Variants in A1CF observed in about 807,000 individuals in gnomAD.
A1CF encodes the protein APOBEC1 complementation factor.
Under a neutral mutation model 68.9 loss-of-function variants are expected in A1CF, and 48 were observed. The observed-to-expected ratio is 0.70, with a 90% CI of 0.55 to 0.89. A1CF has a LOEUF of 0.89. Among genes scored for constraint, A1CF ranks in the 40% least tolerant of loss-of-function variants. A1CF has a pLI of 0.00. For synonymous variants in A1CF, 272 were observed against 260.4 expected, an observed-to-expected ratio of 1.04 and a Z score of -0.43; for missense variants, 653 against 718.9, an observed-to-expected ratio of 0.91 and a Z score of 1.05.
At chr10:50,821,544 T>TC (rs1244262254) in intron 7 of A1CF, among the ~76,000 whole-genome samples, 1 of 151,956 alleles carries the variant, frequency 6.6e-6, no homozygotes, top group Admixed American at 6.6e-5. Flanking sequence ...GAGACCTATT[T>TC]TTTTTTTTCA....
intron 2 of A1CF, among the ~76,000 whole-genome samples, chr10:50,862,583 C>A (rs1840796622): frequency 2.0e-5 from 3 of 152,226 alleles, no homozygotes; most frequent in Admixed American, 2.0e-4. Flanking sequence ...ATAGTTAATG[C>A]TCTCTGTTTG....
At chr10:50,842,387 G>A (rs1320396325) in intron 4 of A1CF, among the ~76,000 whole-genome samples, 1 of 152,196 alleles carries the variant, frequency 6.6e-6, no homozygotes, top group Non-Finnish European at 1.5e-5. Flanking sequence ...AAGGCAGGTG[G>A]ATTGCTTAAC....
chr10:50,806,860 T>C lies in A1CF; in HGVS notation c.1630A>G (p.Thr544Ala), dbSNP rs1257424549. Residue 544 changes from threonine to alanine, a missense_variant, in exon 13 of 13, where the codon ACT becomes GCT. Transcript: ENST00000373997. ...AGCTGGGCTGCAGACACGGGTGCAG[T>C]TGCATTAGGGACAGCATATCCTGGA... Reference protein sequence around the residue: ...AFPGYAVPNATAPVSAAQLKQ... With the variant: ...AFPGYAVPNAAAPVSAAQLKQ... 1 of 1,612,288 alleles carries C rather than the reference T, an allele frequency of 6.2e-7. No individual in the cohort carries two copies. The highest frequency in any genetic ancestry group is 1.3e-5 in the African/African-American group (1 of 74,822).
At chr10:50,878,104 A>T (rs1300853482) in intron 1 of A1CF, among the ~76,000 whole-genome samples, 2 of 152,226 alleles carry the variant, frequency 1.3e-5, no homozygotes, top group Non-Finnish European at 2.9e-5. Flanking sequence ...CCTGGGTGAC[A>T]GAGTGAGACT....
intron 7 of A1CF, chr10:50,823,482 G>T (rs1166362010): frequency 6.6e-6 from 1 of 152,124 alleles, no homozygotes; most frequent in African/African-American, 2.4e-5. Flanking sequence ...TAAACCTGAG[G>T]AGAAACACAC....
rs1350260298 is a variant in A1CF, at chr10:50,804,751, A to G, written c.*1978T>C. ...GATGATTTTTTAATTGCATTTTTCT[A>G]TTTACTAAAAGTGAAATAAAAAGGA... On this transcript the variant is annotated 3_prime_UTR_variant, in exon 13 of 13. Coordinates refer to ENST00000373997, the MANE Select transcript of A1CF (RefSeq NM_014576.4). The G allele has an allele frequency of 2.0e-5, 3 of 152,128 alleles. No homozygotes were observed. Among genetic ancestry groups the G allele is most frequent in the African/African-American group, 7.2e-5 (3 of 41,432 alleles). The allele number at this position is 152,128 out of a possible 1,614,324, so 9.4% of individuals were successfully genotyped here.
chr10:50,847,564 G>A (rs1008872165), intron 3 of A1CF, among the ~76,000 whole-genome samples: 1 of 152,182 alleles, frequency 6.6e-6, no homozygotes, highest in Non-Finnish European at 1.5e-5. Context: ...GTCTTAGCAT[G>A]AAGATTGAAT....
chr10:50,824,270 A>G (rs1838814485), intron 7 of A1CF: 1 of 152,158 alleles, frequency 6.6e-6, no homozygotes, highest in Non-Finnish European at 1.5e-5. Context: ...ATGTCTCTTT[A>G]ATATATGCCA....
At chr10:50,867,566 G>C (rs1841051165) in intron 1 of A1CF, among the ~76,000 whole-genome samples, 1 of 152,002 alleles carries the variant, frequency 6.6e-6, no homozygotes, top group African/African-American at 2.4e-5. Flanking sequence ...GGATGATGAG[G>C]GATTCCTTAA....
At chr10:50,844,532 C>A (rs1004051441) in intron 3 of A1CF, among the ~76,000 whole-genome samples, 1 of 152,102 alleles carries the variant, frequency 6.6e-6, no homozygotes, top group Non-Finnish European at 1.5e-5. Context: ...TAGCTATTTA[C>A]AACTACATAT....
In A1CF at chr10:50,803,964, C is replaced by T. The variant is rs533243777; in HGVS notation, c.*2765G>A. ...GTTCTACCAGCAATTTAAAAAAGCC[C>T]GTTGTCTTAATAATTTTAAACTTAT... On this transcript the variant is annotated 3_prime_UTR_variant, in exon 13 of 13. Coordinates refer to ENST00000373997, the MANE Select transcript of A1CF (RefSeq NM_014576.4). The T allele has an allele frequency of 1.9e-4, 29 of 152,192 alleles. No individual in the cohort carries two copies. Among genetic ancestry groups the T allele is most frequent in the Admixed American group, 5.9e-4 (9 of 15,286 alleles). The allele number at this position is 152,192 out of a possible 1,614,324, so 9.4% of individuals were successfully genotyped here. A position where few individuals can be genotyped will look rare whatever the true frequency, so the allele number is the denominator to read the frequency against.
chr10:50,843,900 C>A, intron 4 of A1CF, 88 bp downstream of exon 4: 2 of 1,516,550 alleles, frequency 1.3e-6, no homozygotes, highest in Non-Finnish European at 1.8e-6. Flanking sequence ...AGCCACTGAC[C>A]AAGAAGGCTG....
At chr10:50,812,816 A>G in intron 10 of A1CF, among the ~76,000 whole-genome samples, 1 of 152,204 alleles carries the variant, frequency 6.6e-6, no homozygotes, top group Non-Finnish European at 1.5e-5. Flanking sequence ...GGTGCATAAG[A>G]GAAGTTTACT....
At chr10:50,864,877 G>C (rs888628737) in intron 1 of A1CF, among the ~76,000 whole-genome samples, 1 of 151,920 alleles carries the variant, frequency 6.6e-6, no homozygotes, top group Non-Finnish European at 1.5e-5. Context: ...CTTGGCCTCC[G>C]AAAGTGCTGG....
Position 50,884,280 on chromosome 10 carries a change from C to T in A1CF, c.-94+1301G>A, listed in dbSNP as rs374522459. Reference sequence around the variant, plus strand: ...TATGTCATTTTATAATGTTTGCCCACAACAATATTTCTTTTCCTTGCCAGC... The same window carrying T: ...TATGTCATTTTATAATGTTTGCCCATAACAATATTTCTTTTCCTTGCCAGC... On this transcript the variant is annotated intron_variant, in intron 1 of 12. Transcript: ENST00000373997. Among the ~76,000 whole-genome samples, 81 of 152,286 alleles carry T rather than the reference C, an allele frequency of 5.3e-4. 1 individual carries two copies. Among genetic ancestry groups the T allele is most frequent in the African/African-American group, 1.8e-3 (75 of 41,570 alleles).
At chr10:50,836,636 C>T (rs997402126) in intron 5 of A1CF, among the ~76,000 whole-genome samples, 5 of 150,884 alleles carry the variant, frequency 3.3e-5, no homozygotes, top group African/African-American at 1.2e-4. Flanking sequence ...GTGTGCTGCA[C>T]CCATTAACTC....
chr10:50,878,708 G>T (rs1224789279), intron 1 of A1CF, among the ~76,000 whole-genome samples: 1 of 152,032 alleles, frequency 6.6e-6, no homozygotes, highest in Non-Finnish European at 1.5e-5. Flanking sequence ...GAGTTTCCAG[G>T]CATTATAGGT....
chr10:50,826,471 A>G (rs1375220028), intron 7 of A1CF, among the ~76,000 whole-genome samples: 2 of 152,196 alleles, frequency 1.3e-5, no homozygotes, highest in Non-Finnish European at 2.9e-5. Context: ...AGTGGGGGCC[A>G]ATATTCAACA....
In A1CF at chr10:50,803,202, C is replaced by A. The variant is rs986268400; in HGVS notation, c.*3527G>T. 6.6e-6 allele frequency: 1 copy of A among 152,334 alleles called. No homozygotes were observed. The allele number at this position is 152,334 out of a possible 1,614,324, so 9.4% of individuals were successfully genotyped here. On this transcript the variant is annotated 3_prime_UTR_variant, in exon 13 of 13. Transcript: ENST00000373997. ...CTCCAGGCCTCCAGCAATCCTCCTGCCTTAGCTTCCCAAGTAGCTGGGACC... is the reference window on the plus strand; with the variant it reads ...CTCCAGGCCTCCAGCAATCCTCCTGACTTAGCTTCCCAAGTAGCTGGGACC...
Sources: gnomAD v4.1 joint callset for allele counts (sites outside exome capture counted in the v4.1 genomes callset) on GRCh38, gnomAD v4.1.1 for gene constraint, MANE v1.5 for transcripts, NCBI Gene and HGNC (gene_info 2026-07-23, HGNC 2026-07-21) for gene names.